Variants in IL1RAPL2 observed in about 807,000 individuals in gnomAD.
IL1RAPL2 encodes X-linked interleukin-1 receptor accessory protein-like 2.
IL1RAPL2 carries 3 observed loss-of-function variants against 44.1 expected under a neutral mutation model. That is an observed-to-expected ratio of 0.07 (90% confidence interval 0.03 to 0.18). The LOEUF (loss-of-function observed/expected upper bound fraction) is 0.18, where lower values mean the gene tolerates loss of function less well. IL1RAPL2 is among the 10% of genes least tolerant of loss of function. IL1RAPL2 has a pLI of 1.00. For synonymous variants in IL1RAPL2, 181 were observed against 178.8 expected (o/e 1.01, Z -0.10); for missense variants, 391 against 496.4 (o/e 0.79, Z 2.02).
intron 5 of IL1RAPL2, among the ~76,000 whole-genome samples, chrX:105,431,856 AG>A (rs771951268): frequency 9.0e-6 from 1 of 111,622 alleles, no homozygotes; most frequent in Non-Finnish European, 1.9e-5. Context: ...CAAATTTCAG[AG>A]AGAGAAGAGA....
At chrX:105,151,513 GT>G (rs200796980) in intron 2 of IL1RAPL2, among the ~76,000 whole-genome samples, 15 of 107,044 alleles carry the variant, frequency 1.4e-4, no homozygotes, top group Non-Finnish European at 2.7e-4. Context: ...AGGTTTTTCT[GT>G]TTTTTTTTGT....
intron 6 of IL1RAPL2, among the ~76,000 whole-genome samples, chrX:105,558,853 A>T (rs2036913454): frequency 8.9e-6 from 1 of 112,055 alleles, no homozygotes; most frequent in Non-Finnish European, 1.9e-5. Flanking sequence ...TAAGAATAAT[A>T]ACAAATAATC....
intron 5 of IL1RAPL2, among the ~76,000 whole-genome samples, chrX:105,298,609 G>A (rs746719747): frequency 9.1e-6 from 1 of 110,382 alleles, no homozygotes; most frequent in Non-Finnish European, 1.9e-5. Flanking sequence ...TGAATATGGA[G>A]TTTGGAGAGA....
chrX:104,637,810 G>C (rs868804784), intron 1 of IL1RAPL2, among the ~76,000 whole-genome samples: 4 of 109,513 alleles, frequency 3.7e-5, no homozygotes, highest in Non-Finnish European at 7.6e-5. Flanking sequence ...GTCTGTGTGT[G>C]TGTGTGTGTG....
intron 2 of IL1RAPL2, among the ~76,000 whole-genome samples, chrX:104,674,300 T>G (rs1216552231): frequency 8.9e-6 from 1 of 111,934 alleles, no homozygotes; most frequent in Non-Finnish European, 1.9e-5. Context: ...TGAGAGTTTT[T>G]AGCATGAAGG....
chrX:105,044,150 C>T (rs895674395), intron 2 of IL1RAPL2, among the ~76,000 whole-genome samples: 1 of 111,071 alleles, frequency 9.0e-6, no homozygotes, highest in African/African-American at 3.3e-5. Context: ...AGGAAGATAA[C>T]AGTCTTTGCA....
chrX:104,942,677 AC>A (rs754519322), intron 2 of IL1RAPL2, among the ~76,000 whole-genome samples: 3 of 111,046 alleles, frequency 2.7e-5, no homozygotes, highest in Non-Finnish European at 3.8e-5. Flanking sequence ...CTAATTGAAT[AC>A]CCTTTATTTC....
In IL1RAPL2 at chrX:104,837,168, A is replaced by G. The variant is rs772426400; in HGVS notation, c.82+178173A>G. ...GTTGGTTTCATGTCTTTGCTATTGT[A>G]AATAATGCTGCAATAAACACATGTG... On this transcript the variant is annotated intron_variant, in intron 2 of 10. Transcript: ENST00000372582. Among the ~76,000 whole-genome samples the G allele has an allele frequency of 5.4e-5, 6 of 111,537 alleles. No homozygotes were observed. The East Asian group carries it at 1.4e-3, about 26-fold the overall frequency.
chrX:105,087,068 A>G (rs909198035), intron 2 of IL1RAPL2, among the ~76,000 whole-genome samples: 6 of 111,224 alleles, frequency 5.4e-5, no homozygotes, highest in Admixed American at 4.8e-4. Context: ...TAGAGTGTGG[A>G]TTCAAATTCA....
At chrX:105,764,178 C>T (rs991235317) in intron 10 of IL1RAPL2, among the ~76,000 whole-genome samples, 2 of 111,431 alleles carry the variant, frequency 1.8e-5, no homozygotes, top group East Asian at 2.8e-4. Flanking sequence ...TCCCACACCC[C>T]GTGTAGCTAA....
chrX:104,940,583 T>C (rs1225255602), intron 2 of IL1RAPL2, among the ~76,000 whole-genome samples: 2 of 111,171 alleles, frequency 1.8e-5, no homozygotes, highest in Non-Finnish European at 3.8e-5. Flanking sequence ...TGGGGGTTTA[T>C]TGTGGCTCTC....
At chrX:105,505,453 A>AGTT (rs2036424645) in intron 6 of IL1RAPL2, among the ~76,000 whole-genome samples, 1 of 111,899 alleles carries the variant, frequency 8.9e-6, no homozygotes, top group South Asian at 3.7e-4. Flanking sequence ...AGAAATGAAT[A>AGTT]GTTTTAGAAA....
intron 2 of IL1RAPL2, among the ~76,000 whole-genome samples, chrX:105,102,667 A>C (rs1602955475): frequency 8.9e-6 from 1 of 111,954 alleles, no homozygotes; most frequent in Non-Finnish European, 1.9e-5. Context: ...ATATATGTGT[A>C]TATATATAAA....
Position 105,341,924 on chromosome X carries a change from C to T in IL1RAPL2, c.697+74383C>T, listed in dbSNP as rs577277647. ...CTCCAGCCTGGGTGACAAAGTGAGA[C>T]TCTGTGTCAAAAAAGAAAATGTGGC... On this transcript the variant is annotated intron_variant, in intron 5 of 10. Coordinates refer to ENST00000372582, the MANE Select transcript of IL1RAPL2 (RefSeq NM_017416.2). 4.1e-4 allele frequency among the ~76,000 whole-genome samples: 45 copies of T among 110,242 alleles called. 1 individual carries two copies. The South Asian group carries it at 0.016, about 40-fold the overall frequency.
intron 1 of IL1RAPL2, among the ~76,000 whole-genome samples, chrX:104,578,067 C>T (rs1309067976): frequency 1.8e-5 from 2 of 111,734 alleles, no homozygotes; most frequent in African/African-American, 6.5e-5. Flanking sequence ...TATTTCCTAA[C>T]TTTGTCCACT....
chrX:105,624,501 G>A, intron 6 of IL1RAPL2, among the ~76,000 whole-genome samples: 1 of 111,272 alleles, frequency 9.0e-6, no homozygotes, highest in Admixed American at 9.6e-5. Flanking sequence ...TTACCATTTT[G>A]TGCCTAGTTT....
intron 5 of IL1RAPL2, among the ~76,000 whole-genome samples, chrX:105,304,840 A>G (rs2034722466): frequency 8.9e-6 from 1 of 112,011 alleles, no homozygotes; most frequent in South Asian, 3.7e-4. Context: ...TTACACTGCT[A>G]TAAAGAAATA....
chrX:105,358,958 T>A (rs992773303), intron 5 of IL1RAPL2, among the ~76,000 whole-genome samples: 1 of 111,048 alleles, frequency 9.0e-6, no homozygotes, highest in Non-Finnish European at 1.9e-5. Context: ...AGATCTGGAG[T>A]TAGGATGGGT....
chrX:104,897,872 C>G (rs139159742), intron 2 of IL1RAPL2, among the ~76,000 whole-genome samples: 2 of 111,527 alleles, frequency 1.8e-5, no homozygotes, highest in Non-Finnish European at 3.8e-5. Context: ...AAAGGAGAAC[C>G]TTTTGTAAAG....
Sources: allele counts gnomAD v4.1 joint callset (sites outside exome capture counted in the v4.1 genomes callset), GRCh38; gene constraint gnomAD v4.1.1; transcripts MANE v1.5; gene names NCBI Gene and HGNC (gene_info 2026-07-23, HGNC 2026-07-21).